Variants in PCDH9 observed in about 807,000 individuals in gnomAD.
PCDH9 encodes protocadherin 9.
Under a neutral mutation model 70.6 loss-of-function variants are expected in PCDH9, and 24 were observed. The observed-to-expected ratio is 0.34, with a 90% CI of 0.25 to 0.48. The LOEUF (loss-of-function observed/expected upper bound fraction) is 0.48. Ranked by LOEUF, PCDH9 falls within the 20% of genes least tolerant of loss-of-function variation. The pLI, the probability that PCDH9 is intolerant of heterozygous loss-of-function variation, is 0.99. For missense variants in PCDH9, 1,281 were observed against 1,503.6 expected, an observed-to-expected ratio of 0.85 and a Z score of 2.45; for synonymous variants, 562 against 558.5, an observed-to-expected ratio of 1.01 and a Z score of -0.09.
chr13:67,099,129 T>C (rs1253200811), intron 2 of PCDH9, among the ~76,000 whole-genome samples: 9 of 152,186 alleles, frequency 5.9e-5, no homozygotes, highest in Non-Finnish European at 1.3e-4. Context: ...TACAGTCAAT[T>C]TACATGAATG....
At chr13:66,470,525 T>C (rs904633457) in intron 4 of PCDH9, among the ~76,000 whole-genome samples, 7 of 152,012 alleles carry the variant, frequency 4.6e-5, no homozygotes, top group Admixed American at 2.6e-4. Flanking sequence ...TGGTGACTTA[T>C]AAAAATCTGG....
In PCDH9 at chr13:66,388,210, A is replaced by T. The variant is rs1256372715; in HGVS notation, c.3341-83182T>A. Among the ~76,000 whole-genome samples, 4 of 152,194 alleles carry T rather than the reference A, an allele frequency of 2.6e-5. No homozygotes were observed. The East Asian group carries it at 7.7e-4, about 29-fold the overall frequency. On this transcript the variant is annotated intron_variant, in intron 4 of 4. Coordinates refer to ENST00000377865, the MANE Select transcript of PCDH9 (RefSeq NM_203487.3). ...TAATGAACTCTTCCAGACTAAAAGG[A>T]ATGGAGAATATATCATTTATATTTA...
chr13:66,426,627 G>T (rs1435876404), intron 4 of PCDH9, among the ~76,000 whole-genome samples: 1 of 151,400 alleles, frequency 6.6e-6, no homozygotes, highest in Non-Finnish European at 1.5e-5. Flanking sequence ...GAAAATTCAT[G>T]GTAGCAGCTA....
intron 4 of PCDH9, among the ~76,000 whole-genome samples, chr13:66,476,661 T>C (rs573959951): frequency 6.6e-6 from 1 of 152,174 alleles, no homozygotes; most frequent in South Asian, 2.1e-4. Flanking sequence ...GACATGTCCA[T>C]GCTTTAAAGC....
intron 2 of PCDH9, among the ~76,000 whole-genome samples, chr13:67,076,698 A>G (rs2085885097): frequency 6.6e-6 from 1 of 152,180 alleles, no homozygotes; most frequent in Non-Finnish European, 1.5e-5. Flanking sequence ...TATGAAAACT[A>G]TTAATAGAAG....
rs766972988 is a variant in PCDH9, at chr13:67,225,627, G to C, written c.2814C>G (p.His938Gln). 1 of 1,614,148 alleles carries C rather than the reference G, an allele frequency of 6.2e-7. No homozygotes were observed. Among genetic ancestry groups the C allele is most frequent in the Admixed American group, 1.7e-5 (1 of 60,030 alleles). ...CAGGCTGTGGAGAAGCAGATTTGTA[G>C]TGCTTGGCCAGGTCAGGACTGTTAG... is the stretch of plus-strand genomic sequence containing the variant. ...FKPNSPDLAK[H>Q]YKSASPQPAF... The change falls in exon 2 of 5, where the codon CAC becomes CAG. Residue 938 changes from histidine to glutamine, a missense_variant. Physicochemically the swap from His to Gln is conservative, Grantham distance 24 (BLOSUM62 0). This residue lies in a region of PCDH9 where 207 missense variants were observed against 191.8 expected (regional missense o/e 1.08). Coordinates refer to ENST00000377865, the MANE Select transcript of PCDH9 (RefSeq NM_203487.3).
chr13:67,063,453 C>A (rs562066866), intron 2 of PCDH9, among the ~76,000 whole-genome samples: 1 of 151,630 alleles, frequency 6.6e-6, no homozygotes, highest in South Asian at 2.1e-4. Flanking sequence ...ATAACTCTTG[C>A]AGGTAGATAT....
chr13:67,095,466 A>G (rs1319147788), intron 2 of PCDH9, among the ~76,000 whole-genome samples: 1 of 152,194 alleles, frequency 6.6e-6, no homozygotes, highest in Non-Finnish European at 1.5e-5. Context: ...TAGTCAAACA[A>G]TGTCAGATAA....
chr13:66,440,400 A>G (rs1347257692), intron 4 of PCDH9, among the ~76,000 whole-genome samples: 1 of 152,140 alleles, frequency 6.6e-6, no homozygotes, highest in East Asian at 1.9e-4. Context: ...CCTGTGCTTG[A>G]TGTCTGGAAA....
At chr13:66,824,073 G>A (rs146690186) in intron 3 of PCDH9, among the ~76,000 whole-genome samples, 359 of 151,742 alleles carry the variant, frequency 2.4e-3, no homozygotes, top group East Asian at 0.014. Flanking sequence ...ATAACTTACT[G>A]TACAGTCAAA....
intron 3 of PCDH9, among the ~76,000 whole-genome samples, chr13:66,820,767 A>T (rs566991348): frequency 3.9e-5 from 6 of 152,236 alleles, no homozygotes; most frequent in Admixed American, 6.5e-5. Flanking sequence ...TAAATACTTC[A>T]TGTTTTCACA....
At chr13:66,550,087 G>A (rs941260458) in intron 4 of PCDH9, among the ~76,000 whole-genome samples, 4 of 152,000 alleles carry the variant, frequency 2.6e-5, no homozygotes, top group Non-Finnish European at 5.9e-5. Flanking sequence ...ATTTTTCAGT[G>A]AAGAGCACAG....
intron 2 of PCDH9, among the ~76,000 whole-genome samples, chr13:67,126,537 C>T (rs1285429202): frequency 6.6e-6 from 1 of 152,080 alleles, no homozygotes; most frequent in Admixed American, 6.6e-5. Context: ...AGAGAATAGA[C>T]AAGTTTCCTC....
chr13:66,999,415 T>A (rs1296209389), intron 2 of PCDH9, among the ~76,000 whole-genome samples: 1 of 152,308 alleles, frequency 6.6e-6, no homozygotes, highest in Non-Finnish European at 1.5e-5. Context: ...TTTGAATTTT[T>A]AAACTAAATA....
chr13:66,343,427 T>C (rs1247557310), intron 4 of PCDH9, among the ~76,000 whole-genome samples: 1 of 152,172 alleles, frequency 6.6e-6, no homozygotes, highest in Non-Finnish European at 1.5e-5. Flanking sequence ...CCGACTTTAG[T>C]GTTTGTAAGG....
chr13:66,948,017 G>A (rs1287616698), intron 2 of PCDH9, among the ~76,000 whole-genome samples: 2 of 152,118 alleles, frequency 1.3e-5, no homozygotes, highest in East Asian at 3.9e-4. Flanking sequence ...GATGATGTGA[G>A]AGATGCTATG....
intron 3 of PCDH9, among the ~76,000 whole-genome samples, chr13:66,762,336 A>G (rs1362462455): frequency 6.6e-6 from 1 of 152,092 alleles, no homozygotes. Context: ...GCACTGAGAC[A>G]GGCCAGGAGG....
At chr13:66,903,670 T>C (rs2082313503) in intron 2 of PCDH9, 65 bp from the exon 3 acceptor site, 2 of 700,086 alleles carry the variant, frequency 2.9e-6, no homozygotes, top group Non-Finnish European at 5.1e-6. Flanking sequence ...TTGAGAGACA[T>C]GGCTGTTTGC....
chr13:66,378,819 T>C (rs1403812668), intron 4 of PCDH9, among the ~76,000 whole-genome samples: 1 of 151,876 alleles, frequency 6.6e-6, no homozygotes, highest in Non-Finnish European at 1.5e-5. Flanking sequence ...TAGCTAAGAG[T>C]GATATGTAAG....
Sources: gnomAD v4.1 joint callset for allele counts (sites outside exome capture counted in the v4.1 genomes callset) on GRCh38, gnomAD v4.1.1 for gene constraint, gnomAD v4.1.1 regional missense constraint, MANE v1.5 for transcripts, NCBI Gene and HGNC (gene_info 2026-07-23, HGNC 2026-07-21) for gene names.